The following CDH4 variants were observed in gnomAD, a reference collection of about 807,000 sequenced individuals.
CDH4 encodes the protein cadherin 4, also known as cadherin-4.
Under a neutral mutation model 86.0 loss-of-function variants are expected in CDH4, and 33 were observed. The ratio of observed to expected loss-of-function variants is 0.38; its 90% CI spans 0.29 to 0.51. CDH4 has a LOEUF of 0.51. CDH4 is among the 20% of genes least tolerant of loss of function. The pLI is 0.86. For synonymous variants in CDH4, 555 were observed against 549.4 expected (o/e 1.01, Z -0.14); for missense variants, 1,114 against 1,307.4 (o/e 0.85, Z 2.28).
intron 4 of CDH4, 65 bp from the exon 5 acceptor site, chr20:61,844,603 G>C: frequency 6.7e-7 from 1 of 1,489,240 alleles, no homozygotes; most frequent in East Asian, 2.3e-5. Context: ...ATGAATGTCA[G>C]AGATCGGCCC....
chr20:61,836,612 G>C (rs1306470975), intron 4 of CDH4, among the ~76,000 whole-genome samples: 1 of 152,212 alleles, frequency 6.6e-6, no homozygotes, highest in Non-Finnish European at 1.5e-5. Flanking sequence ...GAAAATGCAA[G>C]AAATACAAAC....
chr20:61,331,637 A>ACCTCCTGC (rs2084577257), intron 2 of CDH4, among the ~76,000 whole-genome samples: 2 of 6,646 alleles, frequency 3.0e-4, no homozygotes, highest in African/African-American at 6.2e-4. Context: ...CCTGCCCCAG[A>ACCTCCTGC]CCCACCTCCC....
intron 2 of CDH4, among the ~76,000 whole-genome samples, chr20:61,467,585 C>A (rs2085479797): frequency 1.3e-5 from 2 of 152,216 alleles, no homozygotes; most frequent in African/African-American, 4.8e-5. Context: ...TCCATCCCTG[C>A]CTCCACTATT....
chr20:61,280,467 G>T (rs903121431), intron 2 of CDH4, among the ~76,000 whole-genome samples: 1 of 152,168 alleles, frequency 6.6e-6, no homozygotes, highest in African/African-American at 2.4e-5. Context: ...CGGTGCCCTG[G>T]TAAGTTCTCT....
intron 2 of CDH4, among the ~76,000 whole-genome samples, chr20:61,687,827 G>T (rs1368942540): frequency 1.3e-5 from 2 of 152,186 alleles, no homozygotes; most frequent in East Asian, 1.9e-4. Flanking sequence ...CTAGGGCATA[G>T]AAAATATTTC....
chr20:61,554,346 G>C (rs2086157855), intron 2 of CDH4, among the ~76,000 whole-genome samples: 5 of 152,206 alleles, frequency 3.3e-5, no homozygotes, highest in Admixed American at 3.3e-4. Flanking sequence ...GGGCAGTAGA[G>C]GAGGCACAGG....
At chr20:61,528,604 A>G (rs1190460581) in intron 2 of CDH4, among the ~76,000 whole-genome samples, 1 of 152,134 alleles carries the variant, frequency 6.6e-6, no homozygotes, top group Admixed American at 6.5e-5. Flanking sequence ...CCCCATCTCC[A>G]CAAAAAAGAA....
intron 3 of CDH4, among the ~76,000 whole-genome samples, chr20:61,747,669 A>G (rs1252562565): frequency 6.6e-6 from 1 of 152,262 alleles, no homozygotes; most frequent in Non-Finnish European, 1.5e-5. Flanking sequence ...CAGATTTGAC[A>G]TAGCTGAAGA....
chr20:61,371,419 C>T (rs965215906), intron 2 of CDH4, among the ~76,000 whole-genome samples: 5 of 152,224 alleles, frequency 3.3e-5, no homozygotes, highest in African/African-American at 7.2e-5. Context: ...GACTTGTCCC[C>T]GCAGGTAAGA....
chr20:61,498,688 G>A (rs2085679275), intron 2 of CDH4, among the ~76,000 whole-genome samples: 1 of 152,060 alleles, frequency 6.6e-6, no homozygotes, highest in Admixed American at 6.5e-5. Flanking sequence ...TGTCTTCCCT[G>A]GGCCACATTG....
At chr20:61,445,182 G>A (rs2085341795) in intron 2 of CDH4, among the ~76,000 whole-genome samples, 1 of 151,982 alleles carries the variant, frequency 6.6e-6, no homozygotes, top group Non-Finnish European at 1.5e-5. Context: ...CTCTGGCCAG[G>A]GATTGTATTC....
intron 2 of CDH4, among the ~76,000 whole-genome samples, chr20:61,713,322 C>T (rs1056620175): frequency 1.3e-5 from 2 of 152,198 alleles, no homozygotes; most frequent in African/African-American, 4.8e-5. Flanking sequence ...CACTCCCCCC[C>T]AGACCTCCTG....
chr20:61,405,512 A>G (rs937962527), intron 2 of CDH4, among the ~76,000 whole-genome samples: 9 of 152,008 alleles, frequency 5.9e-5, no homozygotes, highest in East Asian at 3.9e-4. Context: ...CGCAGCCCCA[A>G]TCCCTGGTGT....
At chr20:61,792,882 C>T (rs1333932548) in intron 4 of CDH4, among the ~76,000 whole-genome samples, 1 of 152,164 alleles carries the variant, frequency 6.6e-6, no homozygotes, top group South Asian at 2.1e-4. Context: ...AACTCCCGAC[C>T]TTGTGATCCA....
intron 4 of CDH4, among the ~76,000 whole-genome samples, chr20:61,775,286 T>C (rs1034053303): frequency 2.4e-4 from 36 of 152,052 alleles, no homozygotes; most frequent in African/African-American, 8.5e-4. Flanking sequence ...CAACCAGAGA[T>C]TCCTCTTTGA....
At chr20:61,298,939 C>G (rs1290837416) in intron 2 of CDH4, among the ~76,000 whole-genome samples, 1 of 151,922 alleles carries the variant, frequency 6.6e-6, no homozygotes, top group Non-Finnish European at 1.5e-5. Flanking sequence ...TTTCTGAAAA[C>G]AGCCAATTTG....
chr20:61,400,663 G>A (rs934477035), intron 2 of CDH4, among the ~76,000 whole-genome samples: 1 of 152,204 alleles, frequency 6.6e-6, no homozygotes, highest in African/African-American at 2.4e-5. Flanking sequence ...GCTGTGGGAT[G>A]AGCCCCCTGG....
Position 61,829,385 on chromosome 20 carries a change from G to A in CDH4, c.577-15283G>A, listed in dbSNP as rs1324142442. Among the ~76,000 whole-genome samples the A allele has an allele frequency of 6.6e-6, 1 of 152,212 alleles. No individual in the cohort carries two copies. Among genetic ancestry groups the A allele is most frequent in the Admixed American group, 6.5e-5 (1 of 15,294 alleles). ...ACATTTCACTGTGTGGGTGGACCAC[G>A]TTTAGCCACTCAGCAGCTGACAGAC... On this transcript the variant is annotated intron_variant, in intron 4 of 15. Transcript: ENST00000614565. The surrounding 1 kb of genome is among the most constrained non-coding windows in gnomAD (Gnocchi z 4.2).
At chr20:61,673,995 T>C (rs139670231) in intron 2 of CDH4, among the ~76,000 whole-genome samples, 102 of 152,274 alleles carry the variant, frequency 6.7e-4, no homozygotes, top group African/African-American at 2.4e-3. Context: ...GAGAAACAAA[T>C]GGAAGTCCTC....
Sources: allele counts gnomAD v4.1 joint callset (sites outside exome capture counted in the v4.1 genomes callset), GRCh38; gene constraint gnomAD v4.1.1; non-coding constraint Gnocchi (gnomAD v3.1); transcripts MANE v1.5; gene names NCBI Gene and HGNC (gene_info 2026-07-23, HGNC 2026-07-21).